Variants in RYR1 observed in about 807,000 individuals in gnomAD.
RYR1 encodes ryanodine receptor 1, also known as central core disease of muscle.
A neutral mutation model predicts 583.5 loss-of-function variants in RYR1; 342 were observed. The ratio of observed to expected loss-of-function variants is 0.59; its 90% CI spans 0.54 to 0.64. RYR1 has a LOEUF of 0.64. Among genes scored for constraint, RYR1 ranks in the 30% least tolerant of loss-of-function variants. The probability of loss-of-function intolerance (pLI) is 0.00; values close to 1 mark genes in which losing one functional copy is unlikely to be tolerated. For synonymous variants in RYR1, 2,791 were observed against 2,822.5 expected (o/e 0.99, Z 0.35); for missense variants, 6,032 against 6,917.2 (o/e 0.87, Z 4.54).
intron 101 of RYR1, among the ~76,000 whole-genome samples, chr19:38,581,681 C>T (rs1033208439): frequency 6.6e-6 from 1 of 152,150 alleles, no homozygotes; most frequent in East Asian, 1.9e-4. Context: ...TTACTGCAAC[C>T]TCTGTCTCTC....
chr19:38,467,266 T>C (rs1331393578), intron 24 of RYR1, among the ~76,000 whole-genome samples: 2 of 152,120 alleles, frequency 1.3e-5, no homozygotes, highest in African/African-American at 4.8e-5. Context: ...CCAATCCTGG[T>C]CTCAGCCCTT....
chr19:38,580,537 C>G (rs1974156206), intron 101 of RYR1, 33 bp downstream of exon 101: 2 of 1,613,546 alleles, frequency 1.2e-6, no homozygotes, highest in Non-Finnish European at 1.7e-6. Context: ...TGGGACCCTT[C>G]CTTCTCGCAT....
chr19:38,580,336 G>C, intron 100 of RYR1, 34 bp from the exon 101 acceptor site: 1 of 1,612,742 alleles, frequency 6.2e-7, no homozygotes, highest in Non-Finnish European at 8.5e-7. Flanking sequence ...GGCAAGCCCA[G>C]GGCGGAGCTG....
chr19:38,442,696 C>A (rs1033310807), intron 3 of RYR1, among the ~76,000 whole-genome samples: 1 of 152,180 alleles, frequency 6.6e-6, no homozygotes, highest in Non-Finnish European at 1.5e-5. Context: ...CTCAGGCCCA[C>A]GCCCTGCACA....
rs1007511170 is a variant in RYR1 at position 38,535,356 on chromosome 19, T to A, written c.11480T>A (p.Phe3827Tyr). Residue 3827 changes from phenylalanine (F) to tyrosine (Y), a missense_variant, in exon 81 of 106, where the codon TTC (phenylalanine) becomes TAC (tyrosine). This residue lies in a region of RYR1 where 1,493 missense variants were observed against 1,715.5 expected (regional missense o/e 0.87). Transcript: ENST00000359596. ...CTTAAGGACAAGAAGGAAGTTGGCT[T>A]CTTCCAGAGTATCCAGGCACTGATG... Reference protein sequence around the residue: ...DYLKDKKEVGFFQSIQALMQT... With the variant: ...DYLKDKKEVGYFQSIQALMQT... 1 of 1,614,184 alleles carries A rather than the reference T, an allele frequency of 6.2e-7. No individual in the cohort carries two copies. Among genetic ancestry groups the A allele is most frequent in the Non-Finnish European group, 8.5e-7 (1 of 1,180,010 alleles).
chr19:38,451,913 T>C, intron 12 of RYR1, 28 bp downstream of exon 12: 1 of 1,613,860 alleles, frequency 6.2e-7, no homozygotes, highest in East Asian at 2.2e-5. Context: ...CCTGCTGGGG[T>C]GACTCCTGTG....
Position 38,459,297 on chromosome 19 carries a change from C to T in RYR1, c.2319C>T (p.Asp773=), listed in dbSNP as rs374924686. The stretch of plus-strand genomic sequence containing the variant: ...GTGTCTTTGAGTCCTTCAACCTGGA[C>T]GGGCTCTTCTTCCCTGTTGTCAGCT... The part of the protein sequence containing the change: ...VQGVFESFNL[D]GLFFPVVSFS... The change falls in exon 19 of 106, where the codon GAC becomes GAT. Residue 773 remains aspartate (D), a synonymous_variant. Coordinates refer to ENST00000359596, the MANE Select transcript of RYR1 (RefSeq NM_000540.3). 198 of 1,613,992 alleles carry T rather than the reference C, an allele frequency of 1.2e-4. No homozygotes were observed. Among genetic ancestry groups the T allele is most frequent in the East Asian group, 8.9e-5 (4 of 44,884 alleles).
intron 61 of RYR1, among the ~76,000 whole-genome samples, 189 bp downstream of exon 61, chr19:38,511,799 C>T (rs1338694129): frequency 6.6e-6 from 1 of 152,162 alleles, no homozygotes; most frequent in East Asian, 1.9e-4. Context: ...CTCAATGGAG[C>T]TCCCAGGCCA....
At chr19:38,580,597 A>C (rs949615768) in intron 101 of RYR1, 93 bp downstream of exon 101, 22 of 1,513,984 alleles carry the variant, frequency 1.5e-5, no homozygotes, top group Non-Finnish European at 2.0e-5. Flanking sequence ...TGGTGCCTCC[A>C]GCCTGCAATC....
In RYR1 at chr19:38,467,717, A is replaced by G. The variant is rs187528159; in HGVS notation, c.3286A>G (p.Thr1096Ala). The G allele has an allele frequency of 1.2e-6, 2 of 1,614,220 alleles. No individual in the cohort carries two copies. The highest frequency in any genetic ancestry group is 2.7e-5 in the African/African-American group (2 of 75,068). Reference protein sequence around the residue: ...RWYFEFEAVTTGEMRVGWARP... With the variant: ...RWYFEFEAVTAGEMRVGWARP... ...GTACTTCGAGTTTGAAGCAGTCACC[A>G]CAGGCGAGATGCGCGTGGGCTGGGC... is the stretch of plus-strand genomic sequence containing the variant. Residue 1096 changes from threonine to alanine, a missense_variant, in exon 25 of 106, where the codon ACA becomes GCA. This residue lies in a region of RYR1 where 2,627 missense variants were observed against 2,961.3 expected (regional missense o/e 0.89). Coordinates refer to ENST00000359596, the MANE Select transcript of RYR1 (RefSeq NM_000540.3).
chr19:38,578,421 G>A (rs978928003), intron 99 of RYR1, among the ~76,000 whole-genome samples: 1 of 152,150 alleles, frequency 6.6e-6, no homozygotes, highest in African/African-American at 2.4e-5. Flanking sequence ...GATTGGGTGT[G>A]GTGGCTCACG....
At chr19:38,488,380 C>T (rs932118142) in intron 34 of RYR1, among the ~76,000 whole-genome samples, 1 of 152,110 alleles carries the variant, frequency 6.6e-6, no homozygotes, top group Non-Finnish European at 1.5e-5. Context: ...CATTCCGACT[C>T]GGGATTCATC....
At position 38,565,686 on chromosome 19, in the gene RYR1, C is replaced by A. The variant is rs886054408; in HGVS notation, c.13352C>A (p.Ala4451Asp). ...TDGGPFRPEG[A>D]GGLGDMGDTT... ...GGGGGCCCCTTCCGGCCCGAAGGGGCTGGCGGTCTCGGGGACATGGGGGAC... is the reference window on the plus strand; with the variant it reads ...GGGGGCCCCTTCCGGCCCGAAGGGGATGGCGGTCTCGGGGACATGGGGGAC... The change falls in exon 91 of 106, where the codon GCT becomes GAT. Residue 4451 changes from alanine to aspartate, a missense_variant. Ala to Asp is a moderately radical substitution (Grantham distance 126, BLOSUM62 -2). This residue lies in a region of RYR1 where 753 missense variants were observed against 759.6 expected (regional missense o/e 0.99). Transcript: ENST00000359596. The surrounding 1 kb of genome is among the most constrained non-coding windows in gnomAD (Gnocchi z 4.7). 1 of 1,408,412 alleles carries A rather than the reference C, an allele frequency of 7.1e-7. No homozygotes were observed. Among genetic ancestry groups the A allele is most frequent in the South Asian group, 1.5e-5 (1 of 64,912 alleles). The allele number at this position is 1,408,412 out of a possible 1,614,324, so 87.2% of individuals were successfully genotyped here. A position where few individuals can be genotyped will look rare whatever the true frequency, so the allele number is the denominator to read the frequency against.
chr19:38,455,233 AG>A lies in RYR1; in HGVS notation c.1443del. 1 of 1,614,028 alleles carries A rather than the reference AG, an allele frequency of 6.2e-7. No individual in the cohort carries two copies. Among genetic ancestry groups the A allele is most frequent in the Non-Finnish European group, 8.5e-7 (1 of 1,179,966 alleles). ...TGATGCCTCTTATTTTCCTCATCCTAGGGGATGCTCTCCATGGTCCTGAATT... is the reference window on the plus strand; with the variant it reads ...TGATGCCTCTTATTTTCCTCATCCTAGGGATGCTCTCCATGGTCCTGAATT... On this transcript the variant is annotated splice_acceptor_variant, in intron 13 of 105. Transcript: ENST00000359596. LOFTEE classifies it high-confidence loss of function.
chr19:38,524,196 A>G (rs1362834418), intron 70 of RYR1, among the ~76,000 whole-genome samples: 1 of 148,216 alleles, frequency 6.7e-6, no homozygotes, highest in East Asian at 1.9e-4. Flanking sequence ...CAAAAAAAAA[A>G]AAAAAAAGAA....
chr19:38,567,392 A>G (rs750348699), intron 92 of RYR1, among the ~76,000 whole-genome samples: 1 of 152,182 alleles, frequency 6.6e-6, no homozygotes, highest in South Asian at 2.1e-4. Flanking sequence ...AGGCCTTCGC[A>G]TGTGCTTTCC....
In RYR1 at chr19:38,512,577, G is replaced by A; in HGVS notation, c.9472+94G>A. On this transcript the variant is annotated intron_variant, in intron 63 of 105. Transcript: ENST00000359596. The surrounding 1 kb of genome is among the most constrained non-coding windows in gnomAD (Gnocchi z 5.1). The stretch of plus-strand genomic sequence containing the variant: ...TGTGAGAGTCCCTGGGTGTTTGAAT[G>A]TGTGGATTTCTTGCTGTAAGCAAAG... 3.3e-6 allele frequency: 4 copies of A among 1,214,964 alleles called. No homozygotes were observed. Among genetic ancestry groups the A allele is most frequent in the East Asian group, 2.3e-5 (1 of 42,990 alleles). 75.3% of individuals were successfully genotyped at this position (1,214,964 alleles called of 1,614,324 possible). A position where few individuals can be genotyped will look rare whatever the true frequency, so the allele number is the denominator to read the frequency against.
At chr19:38,454,049 T>A (rs1600671344) in intron 13 of RYR1, among the ~76,000 whole-genome samples, 3 of 152,284 alleles carry the variant, frequency 2.0e-5, no homozygotes, top group Admixed American at 2.0e-4. Context: ...TTTTGTCTTG[T>A]TTTTTGAAAC....
intron 21 of RYR1, 81 bp downstream of exon 21, chr19:38,463,608 G>A: frequency 6.7e-7 from 1 of 1,502,760 alleles, no homozygotes; most frequent in Non-Finnish European, 9.3e-7. Flanking sequence ...GCGGAGAGGA[G>A]GGAGGGACCA....
Sources: allele counts gnomAD v4.1 joint callset (sites outside exome capture counted in the v4.1 genomes callset), GRCh38; gene constraint gnomAD v4.1.1; regional missense constraint gnomAD v4.1.1; non-coding constraint Gnocchi (gnomAD v3.1); transcripts MANE v1.5; gene names NCBI Gene and HGNC (gene_info 2026-07-23, HGNC 2026-07-21).